The following UGT1A5 variants were observed in gnomAD, a reference collection of about 807,000 sequenced individuals.
UGT1A5 encodes the protein UDP-glucuronosyltransferase 1A5.
UGT1A5 carries 29 observed loss-of-function variants against 40.3 expected under a neutral mutation model. That is an observed-to-expected ratio of 0.72 (90% CI 0.54 to 0.98). The LOEUF (loss-of-function observed/expected upper bound fraction) is 0.98. Ranked by LOEUF, UGT1A5 falls within the 50% of genes least tolerant of loss-of-function variation. The probability of loss-of-function intolerance (pLI) is 0.00; values close to 1 mark genes in which losing one functional copy is unlikely to be tolerated. For missense variants in UGT1A5, 678 were observed against 677.9 expected, an observed-to-expected ratio of 1.00 and a Z score of 0.00; for synonymous variants, 257 against 262.5, an observed-to-expected ratio of 0.98 and a Z score of 0.20.
intron 1 of UGT1A5, chr2:233,760,695 C>T: frequency 1.9e-6 from 3 of 1,614,208 alleles, no homozygotes; most frequent in Non-Finnish European, 2.5e-6. Context: ...ACAAGGAGCT[C>T]ATGGCCTCCC....
Position 233,772,392 on chromosome 2 carries a change from C to T in UGT1A5, c.1438C>T (p.His480Tyr), listed in dbSNP as rs753109787. 4 of 1,614,252 alleles carry T rather than the reference C, an allele frequency of 2.5e-6. No homozygotes were observed. Among genetic ancestry groups the T allele is most frequent in the East Asian group, 2.2e-5 (1 of 44,876 alleles). ...KGAPHLRPAA[H>Y]DLTWYQYHSL... is the part of the protein sequence containing the mutation. Reference sequence around the variant, plus strand: ...CGCGCCACACCTGCGCCCCGCAGCCCACGACCTCACCTGGTACCAGTACCA... The same window carrying T: ...CGCGCCACACCTGCGCCCCGCAGCCTACGACCTCACCTGGTACCAGTACCA... Residue 480 changes from histidine (H) to tyrosine (Y), a missense_variant, in exon 5 of 5, where the codon CAC (histidine) becomes TAC (tyrosine). Coordinates refer to ENST00000373414, the MANE Select transcript of UGT1A5 (RefSeq NM_019078.2).
rs1205477836 is a variant in UGT1A5 at position 233,760,858 on chromosome 2, TC to T, written c.868-6174del. 2.5e-6 allele frequency: 4 copies of T among 1,613,972 alleles called. No homozygotes were observed. In the African/African-American group the frequency reaches 4.0e-5, roughly 16 times the overall value. On this transcript the variant is annotated intron_variant, in intron 1 of 4. Transcript: ENST00000373414. ...GGCTACCCAGTGCCCCAACCCATTC[TC>T]CTACGTGCCCAGGCCTCTCTCCTCT... is the stretch of plus-strand genomic sequence containing the variant.
chr2:233,724,868 A>G (rs2077326102), intron 1 of UGT1A5, among the ~76,000 whole-genome samples: 1 of 128,220 alleles, frequency 7.8e-6, no homozygotes, highest in African/African-American at 3.4e-5. Flanking sequence ...TGTAGGTTGT[A>G]GTGAGCGGAG....
In UGT1A5 at chr2:233,713,299, C is replaced by G. The variant is rs1373926847; in HGVS notation, c.308C>G (p.Thr103Arg). The change falls in exon 1 of 5, where the codon ACA (threonine) becomes AGA (arginine). Residue 103 changes from threonine (T) to arginine (R), a missense_variant. By Grantham distance (71) the Thr-to-Arg change is moderately conservative (BLOSUM62 -1). Coordinates refer to ENST00000373414, the MANE Select transcript of UGT1A5 (RefSeq NM_019078.2). Reference protein sequence around the residue: ...LLGHTQSFFETEHLLMKFSRR... With the variant: ...LLGHTQSFFEREHLLMKFSRR... ...GGTCACACTCAATCGTTCTTTGAAACAGAACATCTTCTGATGAAATTTTCT... is the reference window on the plus strand; with the variant it reads ...GGTCACACTCAATCGTTCTTTGAAAGAGAACATCTTCTGATGAAATTTTCT... The G allele has an allele frequency of 6.2e-7, 1 of 1,614,114 alleles. No homozygotes were observed. The highest frequency in any genetic ancestry group is 2.2e-5 in the East Asian group (1 of 44,896).
intron 1 of UGT1A5, among the ~76,000 whole-genome samples, chr2:233,763,075 G>A (rs563223055): frequency 3.9e-5 from 6 of 152,246 alleles, no homozygotes; most frequent in African/African-American, 1.2e-4. Flanking sequence ...CCTTCTTTGC[G>A]TGAGGATGTT....
intron 1 of UGT1A5, chr2:233,747,202 T>G: frequency 5.0e-6 from 8 of 1,604,908 alleles, no homozygotes; most frequent in South Asian, 1.1e-5. Context: ...GCTGTCCGTG[T>G]CTTCTGCTGA....
chr2:233,743,732 C>G (rs1474165671), intron 1 of UGT1A5: 4 of 1,367,408 alleles, frequency 2.9e-6, no homozygotes, highest in Non-Finnish European at 3.9e-6. Flanking sequence ...ATAGATATCG[C>G]GTTTCTTGGC....
chr2:233,713,134 T>C lies in UGT1A5; in HGVS notation c.143T>C (p.Leu48Ser), dbSNP rs3755323. 0.098 allele frequency: 158,247 copies of C among 1,614,024 alleles called. 8,762 individuals carry two copies. The highest frequency in any genetic ancestry group is 0.2 in the South Asian group (17,967 of 91,072). Residue 48 changes from leucine (L) to serine (S), a missense_variant, in exon 1 of 5, where the codon TTG (leucine) becomes TCG (serine). By Grantham distance (145) the Leu-to-Ser change is moderately radical. Transcript: ENST00000373414. ...GSHWLSMREA[L>S]RDLHARGHQV... ...CACTGGCTCAGCATGCGGGAGGCCT[T>C]GCGGGACCTCCATGCGAGAGGCCAC...
At chr2:233,751,464 G>A (rs575888468) in intron 1 of UGT1A5, among the ~76,000 whole-genome samples, 3 of 152,310 alleles carry the variant, frequency 2.0e-5, no homozygotes, top group East Asian at 1.9e-4. Flanking sequence ...GGGAAGGCAC[G>A]ATTGGTTTTG....
At chr2:233,731,806 G>A (rs142975775) in intron 1 of UGT1A5, among the ~76,000 whole-genome samples, 5,114 of 152,192 alleles carry the variant, frequency 0.034, 99 homozygotes, top group African/African-American at 0.051. Context: ...ACCCAGTAAT[G>A]GTATGGCTGT....
At chr2:233,755,001 A>C (rs1350785885) in intron 1 of UGT1A5, 1 of 1,292,842 alleles carries the variant, frequency 7.7e-7, no homozygotes, top group African/African-American at 1.5e-5. Flanking sequence ...GAAGCTGAAG[A>C]CCTACTCGAA....
intron 1 of UGT1A5, among the ~76,000 whole-genome samples, chr2:233,748,966 G>A (rs1694075594): frequency 6.6e-6 from 1 of 151,630 alleles, no homozygotes; most frequent in Non-Finnish European, 1.5e-5. Flanking sequence ...AGTTTCTATA[G>A]TGGGATCTAC....
intron 1 of UGT1A5, chr2:233,721,540 A>T (rs10929293): frequency 0.087 from 14,555 of 166,976 alleles, 833 homozygotes; most frequent in East Asian, 0.2. Context: ...CCATAGGTAA[A>T]TTTTTTCTTC....
chr2:233,744,768 G>A (rs116261344), intron 1 of UGT1A5, among the ~76,000 whole-genome samples: 5,132 of 151,930 alleles, frequency 0.034, 157 homozygotes, highest in African/African-American at 0.051. Context: ...TTTTAACTTT[G>A]CAAAATTCTC....
At chr2:233,718,901 G>A (rs377204506) in intron 1 of UGT1A5, 4 of 1,613,882 alleles carry the variant, frequency 2.5e-6, no homozygotes, top group African/African-American at 1.3e-5. Flanking sequence ...CCTGGGCTGA[G>A]AGTGGAAAGG....
intron 1 of UGT1A5, among the ~76,000 whole-genome samples, chr2:233,759,231 T>G (rs911541986): frequency 6.6e-6 from 1 of 152,228 alleles, no homozygotes; most frequent in African/African-American, 2.4e-5. Context: ...AAATGAAGGA[T>G]GGAAACTTGC....
chr2:233,719,298 G>T, intron 1 of UGT1A5: 1 of 1,613,992 alleles, frequency 6.2e-7, no homozygotes, highest in Admixed American at 1.7e-5. Flanking sequence ...CTGTGGGGCG[G>T]TGCTGGCTAA....
intron 1 of UGT1A5, chr2:233,743,625 C>A (rs201123763): frequency 3.7e-6 from 5 of 1,367,318 alleles, no homozygotes; most frequent in Admixed American, 3.8e-5. Context: ...CTGAAGACGT[C>A]GGCTGGGTCG....
chr2:233,730,673 A>G (rs1217219739), intron 1 of UGT1A5, among the ~76,000 whole-genome samples: 2 of 152,106 alleles, frequency 1.3e-5, no homozygotes, highest in South Asian at 2.1e-4. Flanking sequence ...AGGCAAAGTA[A>G]TGGTTGCATC....
Sources: gnomAD v4.1 joint callset for allele counts (sites outside exome capture counted in the v4.1 genomes callset) on GRCh38, gnomAD v4.1.1 for gene constraint, MANE v1.5 for transcripts, NCBI Gene and HGNC (gene_info 2026-07-23, HGNC 2026-07-21) for gene names.